Variants in PDE4D observed in about 807,000 individuals in gnomAD.
PDE4D encodes phosphodiesterase 4D, also known as 3',5'-cyclic-AMP phosphodiesterase 4D.
In PDE4D, 24 loss-of-function variants were observed where a neutral mutation model predicts 87.4. The ratio of observed to expected loss-of-function variants is 0.27; its 90% CI spans 0.20 to 0.39. The LOEUF is 0.39. Among genes scored for constraint, PDE4D ranks in the 10% least tolerant of loss-of-function variants. The pLI is 1.00. For missense variants in PDE4D, 714 were observed against 1,041.0 expected (o/e 0.69, Z 4.32); for synonymous variants, 384 against 383.2 (o/e 1.00, Z -0.02).
intron 1 of PDE4D, among the ~76,000 whole-genome samples, chr5:60,425,098 G>A (rs1298192885): frequency 6.6e-6 from 1 of 152,118 alleles, no homozygotes; most frequent in Non-Finnish European, 1.5e-5. Flanking sequence ...TGTGAAAACG[G>A]CCACACTGCC....
chr5:59,116,842 TA>T (rs1436926222), intron 5 of PDE4D, among the ~76,000 whole-genome samples: 1 of 152,206 alleles, frequency 6.6e-6, no homozygotes, highest in Non-Finnish European at 1.5e-5. Context: ...TCAGATGTGC[TA>T]CTATGATAGA....
At chr5:59,960,258 A>G (rs1313021694) in intron 3 of PDE4D, among the ~76,000 whole-genome samples, 1 of 152,186 alleles carries the variant, frequency 6.6e-6, no homozygotes, top group Non-Finnish European at 1.5e-5. Context: ...CAGAAATGAA[A>G]ATTAGTTCAG....
intron 1 of PDE4D, among the ~76,000 whole-genome samples, chr5:59,438,577 A>T (rs575245391): frequency 6.6e-6 from 1 of 152,338 alleles, no homozygotes; most frequent in Non-Finnish European, 1.5e-5. Context: ...ATTGCCCTGG[A>T]ATGATGATTA....
chr5:60,475,038 A>C (rs1748200693), intron 1 of PDE4D, among the ~76,000 whole-genome samples: 1 of 152,132 alleles, frequency 6.6e-6, no homozygotes, highest in African/African-American at 2.4e-5. Flanking sequence ...AAACTTATGT[A>C]AAAGAGTCTT....
At chr5:59,218,896 G>A (rs1751845110) in intron 1 of PDE4D, among the ~76,000 whole-genome samples, 1 of 151,754 alleles carries the variant, frequency 6.6e-6, no homozygotes, top group African/African-American at 2.4e-5. Context: ...CCTTTGTAGG[G>A]ACATGGATGA....
chr5:59,394,819 C>A (rs547109003), intron 1 of PDE4D, among the ~76,000 whole-genome samples: 1 of 152,246 alleles, frequency 6.6e-6, no homozygotes, highest in East Asian at 1.9e-4. Flanking sequence ...ATCTGAGGTA[C>A]TGGGTTCATC....
chr5:59,208,144 G>A (rs909083181), intron 2 of PDE4D, among the ~76,000 whole-genome samples: 6 of 152,110 alleles, frequency 3.9e-5, no homozygotes, highest in Admixed American at 6.5e-5. Context: ...TCCAACCTGC[G>A]CAACAGAGTG....
chr5:59,015,155 A>T (rs1753719278), intron 6 of PDE4D, among the ~76,000 whole-genome samples: 1 of 152,240 alleles, frequency 6.6e-6, no homozygotes, highest in Admixed American at 6.5e-5. Context: ...TGTTAGTCCT[A>T]AAACCATAAA....
intron 1 of PDE4D, among the ~76,000 whole-genome samples, chr5:59,226,394 C>T (rs1423591959): frequency 6.6e-6 from 1 of 152,068 alleles, no homozygotes; most frequent in Non-Finnish European, 1.5e-5. Context: ...AAGTCAGTCA[C>T]AGAAAGATAA....
intron 1 of PDE4D, among the ~76,000 whole-genome samples, chr5:59,636,593 A>G (rs1832279491): frequency 6.6e-6 from 1 of 152,180 alleles, no homozygotes; most frequent in Non-Finnish European, 1.5e-5. Context: ...CCTCAGAAAC[A>G]ACACCACACA....
intron 2 of PDE4D, among the ~76,000 whole-genome samples, chr5:60,177,523 G>T (rs1000706941): frequency 6.6e-6 from 1 of 152,118 alleles, no homozygotes; most frequent in African/African-American, 2.4e-5. Context: ...CCGACAAACA[G>T]AGGCAGTGAT....
intron 5 of PDE4D, among the ~76,000 whole-genome samples, chr5:59,098,697 C>CAAAAAAAA (rs3061415): frequency 1.5e-5 from 1 of 66,984 alleles, no homozygotes; most frequent in African/African-American, 6.5e-5. Flanking sequence ...GAGAAAGACT[C>CAAAAAAAA]AAAAAAAAAA....
chr5:60,201,020 A>C (rs1200536604), intron 1 of PDE4D, among the ~76,000 whole-genome samples: 2 of 151,000 alleles, frequency 1.3e-5, no homozygotes, highest in African/African-American at 4.8e-5. Context: ...GATGGAAGAC[A>C]TTCTCATTAA....
intron 1 of PDE4D, among the ~76,000 whole-genome samples, chr5:59,866,617 C>A (rs1747080187): frequency 6.6e-6 from 1 of 151,858 alleles, no homozygotes; most frequent in Non-Finnish European, 1.5e-5. Flanking sequence ...CCACTGCACT[C>A]CAGCCTGGGC....
At chr5:59,970,004 G>T (rs1760522640) in intron 3 of PDE4D, among the ~76,000 whole-genome samples, 1 of 152,138 alleles carries the variant, frequency 6.6e-6, no homozygotes, top group Admixed American at 6.6e-5. Flanking sequence ...GTAACTTCTG[G>T]AGAACAAGGA....
intron 1 of PDE4D, among the ~76,000 whole-genome samples, chr5:59,416,500 G>GTGTAATAAAC (rs1319387792): frequency 5.3e-5 from 8 of 152,138 alleles, no homozygotes; most frequent in South Asian, 4.1e-4. Context: ...AGAGTCATAT[G>GTGTAATAAAC]TGTAATAAAC....
intron 1 of PDE4D, among the ~76,000 whole-genome samples, chr5:59,597,883 T>C (rs966374706): frequency 1.3e-5 from 2 of 152,292 alleles, no homozygotes; most frequent in African/African-American, 4.8e-5. Context: ...TTGCTGTTTT[T>C]AACATTCTGA....
chr5:59,530,938 A>G (rs1440187591), intron 1 of PDE4D, among the ~76,000 whole-genome samples: 4 of 152,214 alleles, frequency 2.6e-5, no homozygotes, highest in African/African-American at 9.6e-5. Context: ...GAACATCCTC[A>G]ATTGTTTGCC....
intron 1 of PDE4D, among the ~76,000 whole-genome samples, chr5:59,437,553 AGG>A: frequency 6.6e-6 from 1 of 152,324 alleles, no homozygotes; most frequent in South Asian, 2.1e-4. Flanking sequence ...AGCAAAGAGG[AGG>A]GGTCTTTGGC....
Sources: allele counts gnomAD v4.1 joint callset (sites outside exome capture counted in the v4.1 genomes callset), GRCh38; gene constraint gnomAD v4.1.1; transcripts MANE v1.5; gene names NCBI Gene and HGNC (gene_info 2026-07-23, HGNC 2026-07-21).